Variants in RYR2 observed in about 807,000 individuals in gnomAD.
The protein encoded by RYR2 is cardiac muscle ryanodine receptor-calcium release channel.
Under a neutral mutation model 601.1 loss-of-function variants are expected in RYR2, and 227 were observed. That is an observed-to-expected ratio of 0.38 (90% CI 0.34 to 0.42). The LOEUF (loss-of-function observed/expected upper bound fraction) is 0.42, where lower values mean the gene tolerates loss of function less well. Ranked by LOEUF, RYR2 falls within the 10% of genes least tolerant of loss-of-function variation. RYR2 has a pLI of 1.00. For synonymous variants in RYR2, 2,223 were observed against 2,175.1 expected, an observed-to-expected ratio of 1.02 and a Z score of -0.61; for missense variants, 4,646 against 6,156.5, an observed-to-expected ratio of 0.75 and a Z score of 8.21.
intron 1 of RYR2, among the ~76,000 whole-genome samples, chr1:237,232,777 C>G (rs1202402339): frequency 6.6e-6 from 1 of 151,932 alleles, no homozygotes; most frequent in Non-Finnish European, 1.5e-5. Flanking sequence ...AATAGGAGGA[C>G]AACCAGCTGG....
intron 23 of RYR2, among the ~76,000 whole-genome samples, chr1:237,507,361 A>G (rs1665378138): frequency 6.6e-6 from 1 of 152,188 alleles, no homozygotes; most frequent in Admixed American, 6.5e-5. Flanking sequence ...ACTTAATACA[A>G]TTTAGATTTA....
intron 24 of RYR2, among the ~76,000 whole-genome samples, chr1:237,521,199 C>T (rs1464913994): frequency 2.6e-5 from 4 of 152,112 alleles, no homozygotes; most frequent in Non-Finnish European, 5.9e-5. Flanking sequence ...CCTAACCGCT[C>T]TATGAAGCCA....
chr1:237,721,670 C>T lies in RYR2; in HGVS notation c.10555-1458C>T, dbSNP rs557830904. 2.6e-5 allele frequency among the ~76,000 whole-genome samples: 4 copies of T among 152,178 alleles called. No homozygotes were observed. The East Asian group carries it at 5.8e-4, about 22-fold the overall frequency. ...AGTAGCTGTGATTACAGGCGTGCAC[C>T]ACCACACCCAGCTAATTTTTTGTAT... On this transcript the variant is annotated intron_variant, in intron 73 of 104. Coordinates refer to ENST00000366574, the MANE Select transcript of RYR2 (RefSeq NM_001035.3).
At chr1:237,672,664 A>G (rs1685058484) in intron 58 of RYR2, among the ~76,000 whole-genome samples, 2 of 152,218 alleles carry the variant, frequency 1.3e-5, no homozygotes, top group African/African-American at 4.8e-5. Context: ...TGTTAATTAT[A>G]GTATCCTTAT....
intron 1 of RYR2, among the ~76,000 whole-genome samples, chr1:237,150,560 A>G (rs529601942): frequency 6.6e-6 from 1 of 152,300 alleles, no homozygotes; most frequent in African/African-American, 2.4e-5. Flanking sequence ...GAAAACAATG[A>G]CAACAACAAC....
chr1:237,056,811 G>T (rs571371952), intron 1 of RYR2, among the ~76,000 whole-genome samples: 2 of 152,234 alleles, frequency 1.3e-5, no homozygotes, highest in East Asian at 3.9e-4. Context: ...CACTGCACCT[G>T]TGAGGACTGG....
At chr1:237,174,847 G>A (rs577771402) in intron 1 of RYR2, among the ~76,000 whole-genome samples, 1 of 152,066 alleles carries the variant, frequency 6.6e-6, no homozygotes, top group South Asian at 2.1e-4. Context: ...TTCTAGCAAG[G>A]GAAAAATGAT....
chr1:237,759,538 G>A (rs1366241946), intron 82 of RYR2, among the ~76,000 whole-genome samples: 1 of 152,128 alleles, frequency 6.6e-6, no homozygotes, highest in Non-Finnish European at 1.5e-5. Flanking sequence ...TATTACCCCT[G>A]ACATTTTTGG....
intron 97 of RYR2, among the ~76,000 whole-genome samples, chr1:237,800,869 G>A (rs925678107): frequency 8.5e-5 from 13 of 152,112 alleles, no homozygotes; most frequent in Non-Finnish European, 1.5e-4. Context: ...ACAGACAAGT[G>A]AGAGAGGCAT....
intron 58 of RYR2, among the ~76,000 whole-genome samples, chr1:237,673,285 T>G (rs1051328345): frequency 6.6e-6 from 1 of 152,168 alleles, no homozygotes; most frequent in Non-Finnish European, 1.5e-5. Context: ...ATTCTTTGTA[T>G]CAGATCTTTA....
At chr1:237,186,190 T>TTCTCTC (rs1222732980) in intron 1 of RYR2, among the ~76,000 whole-genome samples, 1 of 152,176 alleles carries the variant, frequency 6.6e-6, no homozygotes, top group Non-Finnish European at 1.5e-5. Context: ...AAAAATGTTT[T>TTCTCTC]TCTCTCTCTC....
intron 1 of RYR2, among the ~76,000 whole-genome samples, chr1:237,065,067 C>T (rs1051282277): frequency 4.6e-5 from 7 of 151,908 alleles, no homozygotes; most frequent in African/African-American, 1.7e-4. Context: ...ATGATAGAGT[C>T]ACAGAAAGCT....
chr1:237,770,385 G>A (rs1166354301), intron 84 of RYR2, among the ~76,000 whole-genome samples: 4 of 152,126 alleles, frequency 2.6e-5, no homozygotes, highest in Non-Finnish European at 5.9e-5. Flanking sequence ...TGGATACACA[G>A]AATGCTTTCC....
intron 3 of RYR2, among the ~76,000 whole-genome samples, chr1:237,340,329 C>T (rs1270715258): frequency 2.6e-5 from 4 of 152,144 alleles, no homozygotes; most frequent in Non-Finnish European, 4.4e-5. Context: ...CATTCTGGAG[C>T]TAGGGGGACA....
intron 100 of RYR2, among the ~76,000 whole-genome samples, chr1:237,812,844 C>T (rs775173802): frequency 5.7e-4 from 86 of 152,160 alleles, no homozygotes; most frequent in Non-Finnish European, 9.7e-4. Flanking sequence ...CATCTCCTAT[C>T]CTTCCTTTTG....
chr1:237,783,737 A>G lies in RYR2; in HGVS notation c.12025A>G (p.Asn4009Asp). 6.2e-7 allele frequency: 1 copy of G among 1,612,582 alleles called. No individual in the cohort carries two copies. The highest frequency in any genetic ancestry group is 8.5e-7 in the Non-Finnish European group (1 of 1,179,168). The part of the protein sequence containing the change: ...MVDMLVESSN[N>D]VEMILKFFDM... ...GGATATGCTTGTGGAATCTTCCAAC[A>G]ACGTGGAGATGATTCTCAAATTTTT... Residue 4009 changes from asparagine (N) to aspartate (D), a missense_variant, in exon 90 of 105, where the codon AAC becomes GAC. Coordinates refer to ENST00000366574, the MANE Select transcript of RYR2 (RefSeq NM_001035.3).
chr1:237,340,002 C>T (rs1490043009), intron 3 of RYR2, among the ~76,000 whole-genome samples: 3 of 152,106 alleles, frequency 2.0e-5, no homozygotes, highest in African/African-American at 7.2e-5. Context: ...CTTTGAAGAA[C>T]TAGGTTCTTT....
intron 2 of RYR2, among the ~76,000 whole-genome samples, chr1:237,284,458 T>A (rs1691250243): frequency 1.1e-5 from 1 of 89,238 alleles, no homozygotes; most frequent in Non-Finnish European, 2.1e-5. Context: ...TATGGCTGCA[T>A]AGTAATCCAC....
intron 24 of RYR2, among the ~76,000 whole-genome samples, chr1:237,515,826 TTCCTCCCTCTTCTCC>T (rs1187988958): frequency 2.8e-3 from 32 of 11,610 alleles, no homozygotes; most frequent in African/African-American, 9.9e-3. Context: ...CCCTCTTCTC[TTCCTCCCTCTTCTCC>T]TCCTCCCTCT....
Sources: gnomAD v4.1 joint callset for allele counts (sites outside exome capture counted in the v4.1 genomes callset) on GRCh38, gnomAD v4.1.1 for gene constraint, MANE v1.5 for transcripts, NCBI Gene and HGNC (gene_info 2026-07-23, HGNC 2026-07-21) for gene names.